The following CCDC88A variants were observed in gnomAD, a reference collection of about 807,000 sequenced individuals.
CCDC88A encodes coiled-coil and HOOK domain protein 88A, also known as girdin.
A neutral mutation model predicts 234.3 loss-of-function variants in CCDC88A; 54 were observed. The ratio of observed to expected loss-of-function variants is 0.23; its 90% confidence interval spans 0.19 to 0.29. The LOEUF is 0.29. Ranked by LOEUF, CCDC88A falls within the 10% of genes least tolerant of loss-of-function variation. The pLI, the probability that CCDC88A is intolerant of heterozygous loss-of-function variation, is 1.00. For missense variants in CCDC88A, 1,832 were observed against 2,123.4 expected (o/e 0.86, Z 2.70); for synonymous variants, 753 against 737.8 (o/e 1.02, Z -0.33).
At chr2:55,351,621 T>C (rs1463698206) in intron 8 of CCDC88A, among the ~76,000 whole-genome samples, 1 of 152,216 alleles carries the variant, frequency 6.6e-6, no homozygotes, top group African/African-American at 2.4e-5. Flanking sequence ...GCTGGAATTA[T>C]AGGCGTAAGC....
At chr2:55,395,308 TC>T (rs1677343080) in intron 2 of CCDC88A, among the ~76,000 whole-genome samples, 1 of 152,232 alleles carries the variant, frequency 6.6e-6, no homozygotes, top group African/African-American at 2.4e-5. Flanking sequence ...TCTACTCCCA[TC>T]TGATCCTTCT....
intron 25 of CCDC88A, among the ~76,000 whole-genome samples, chr2:55,307,181 T>A (rs57623398): frequency 0.037 from 5,629 of 152,200 alleles, 327 homozygotes; most frequent in African/African-American, 0.12. Flanking sequence ...TTTAAAAAAA[T>A]TTTCTGATTT....
At chr2:55,336,398 G>A (rs1264588688) in intron 14 of CCDC88A, among the ~76,000 whole-genome samples, 3 of 151,682 alleles carry the variant, frequency 2.0e-5, no homozygotes, top group Admixed American at 1.3e-4. Context: ...CTCTAGAATC[G>A]GCAGCCCTAT....
intron 2 of CCDC88A, among the ~76,000 whole-genome samples, chr2:55,409,729 T>C (rs1680154330): frequency 2.1e-5 from 2 of 96,496 alleles, no homozygotes; most frequent in Non-Finnish European, 2.1e-5. Flanking sequence ...GATGTGCCTA[T>C]ATACCTCCCT....
At position 55,317,600 on chromosome 2, in the gene CCDC88A, T is replaced by C. The variant is rs41281501; in HGVS notation, c.3566A>G (p.Lys1189Arg). Reference protein sequence around the residue: ...SKHGTLKSAHKNLEVEHRDLE... With the variant: ...SKHGTLKSAHRNLEVEHRDLE... ...GTCTCTATGTTCCACCTCAAGATTT[T>C]TGTGGGCAGACTTCAGAGTTCCATG... The change falls in exon 20 of 33, where the codon AAA (lysine) becomes AGA (arginine). Residue 1189 changes from lysine (K) to arginine (R), a missense_variant. Transcript: ENST00000436346. The surrounding 1 kb of genome is among the most constrained non-coding windows in gnomAD (Gnocchi z 4.2). The C allele has an allele frequency of 0.013, 20,161 of 1,588,280 alleles. 171 individuals are homozygous for C. Among genetic ancestry groups the C allele is most frequent in the Non-Finnish European group, 0.014 (16,321 of 1,162,046 alleles).
chr2:55,413,821 G>A (rs1012934029), intron 2 of CCDC88A, among the ~76,000 whole-genome samples: 7 of 151,924 alleles, frequency 4.6e-5, no homozygotes, highest in African/African-American at 9.7e-5. Context: ...GCATGGTAGC[G>A]CGTGCCTGTG....
At chr2:55,380,296 A>T (rs183555584) in intron 3 of CCDC88A, among the ~76,000 whole-genome samples, 1 of 152,162 alleles carries the variant, frequency 6.6e-6, no homozygotes, top group African/African-American at 2.4e-5. Context: ...GTGGAGGTGG[A>T]GATGAGGAGA....
chr2:55,308,597 C>G (rs1273600901), intron 25 of CCDC88A: 5 of 478,240 alleles, frequency 1.0e-5, no homozygotes, highest in Non-Finnish European at 1.8e-5. Context: ...CAATATTTTA[C>G]CCCTCTGGCC....
At chr2:55,353,877 T>C (rs529815209) in intron 8 of CCDC88A, among the ~76,000 whole-genome samples, 12 of 152,290 alleles carry the variant, frequency 7.9e-5, no homozygotes, top group East Asian at 7.7e-4. Context: ...TGTTTAAGTA[T>C]GGGAATACAC....
chr2:55,379,774 G>A (rs942040637), intron 3 of CCDC88A, among the ~76,000 whole-genome samples: 1 of 152,026 alleles, frequency 6.6e-6, no homozygotes. Flanking sequence ...TTAGCCAGGC[G>A]TGGTGGTGCA....
At chr2:55,386,921 T>C (rs1292261996) in intron 3 of CCDC88A, among the ~76,000 whole-genome samples, 1 of 151,452 alleles carries the variant, frequency 6.6e-6, no homozygotes, top group Non-Finnish European at 1.5e-5. Flanking sequence ...ATGCCTACAA[T>C]CCTAGCATTT....
chr2:55,414,715 AT>A (rs5831363), intron 2 of CCDC88A, among the ~76,000 whole-genome samples: 123,741 of 152,030 alleles, frequency 0.81, 51,260 homozygotes, highest in Admixed American at 0.9. Flanking sequence ...CAACAGAGTC[AT>A]TAAATTAATC....
intron 7 of CCDC88A, among the ~76,000 whole-genome samples, chr2:55,360,441 C>T (rs1382906922): frequency 6.6e-6 from 1 of 152,004 alleles, no homozygotes; most frequent in Non-Finnish European, 1.5e-5. Flanking sequence ...TACTGGTAGC[C>T]CAAATTGAGG....
chr2:55,333,546 A>G (rs1386859651), intron 15 of CCDC88A, among the ~76,000 whole-genome samples: 1 of 152,176 alleles, frequency 6.6e-6, no homozygotes, highest in Non-Finnish European at 1.5e-5. Flanking sequence ...CAACTCTGCT[A>G]TTTATTAGCT....
intron 28 of CCDC88A, chr2:55,300,197 A>T (rs1337984750): frequency 2.9e-6 from 1 of 350,830 alleles, no homozygotes; most frequent in Admixed American, 4.4e-5. Flanking sequence ...GTTTTAGTTA[A>T]ATAGAATGAC....
Position 55,336,789 on chromosome 2 carries a change from T to C in CCDC88A, c.1548A>G (p.Gln516=), listed in dbSNP as rs755748139. 6.3e-6 allele frequency: 10 copies of C among 1,588,140 alleles called. No homozygotes were observed. The East Asian group carries it at 1.4e-4, about 22-fold the overall frequency. ...GACAATTCTGAAGACTTTGCTTTTC[T>C]TGAACAATCTCATTTTCAAGAATCT... ...KVEILENEIV[Q]EKQSLQNCQN... Residue 516 remains glutamine (Q), a synonymous_variant, in exon 14 of 33, where the codon CAA becomes CAG. Transcript: ENST00000436346.
chr2:55,363,887 A>T, intron 6 of CCDC88A, 63 bp downstream of exon 6: 1 of 817,022 alleles, frequency 1.2e-6, no homozygotes, highest in Admixed American at 2.5e-5. Context: ...ATTTTAGGAG[A>T]TAGACAAATA....
intron 13 of CCDC88A, among the ~76,000 whole-genome samples, chr2:55,338,609 A>G (rs1668083493): frequency 6.6e-6 from 1 of 152,216 alleles, no homozygotes; most frequent in African/African-American, 2.4e-5. Flanking sequence ...ACTAAAAGGA[A>G]TAAGGGCTAA....
At chr2:55,303,515 G>A (rs1681151888) in intron 25 of CCDC88A, among the ~76,000 whole-genome samples, 1 of 151,576 alleles carries the variant, frequency 6.6e-6, no homozygotes, top group South Asian at 2.1e-4. Context: ...CCTAGTAGCT[G>A]GAATTACAGG....
Sources: allele counts gnomAD v4.1 joint callset (sites outside exome capture counted in the v4.1 genomes callset), GRCh38; gene constraint gnomAD v4.1.1; non-coding constraint Gnocchi (gnomAD v3.1); transcripts MANE v1.5; gene names NCBI Gene and HGNC (gene_info 2026-07-23, HGNC 2026-07-21).